Variants in NUFIP1 observed in about 807,000 individuals in gnomAD.
NUFIP1 encodes FMR1-interacting protein NUFIP1.
NUFIP1 carries 38 observed loss-of-function variants against 56.2 expected under a neutral mutation model. The ratio of observed to expected loss-of-function variants is 0.68; its 90% CI spans 0.52 to 0.89. NUFIP1 has a LOEUF of 0.89. Among genes scored for constraint, NUFIP1 ranks in the 40% least tolerant of loss-of-function variants. NUFIP1 has a pLI of 0.00. For missense variants in NUFIP1, 567 were observed against 605.8 expected (o/e 0.94, Z 0.67); for synonymous variants, 215 against 212.4 (o/e 1.01, Z -0.10).
chr13:44,942,659 A>T (rs1870781224), intron 9 of NUFIP1, among the ~76,000 whole-genome samples: 1 of 152,190 alleles, frequency 6.6e-6, no homozygotes, highest in African/African-American at 2.4e-5. Context: ...AAAATCTTTG[A>T]TTTTCAAACA....
chr13:44,989,308 C>G lies in NUFIP1; in HGVS notation c.129G>C (p.Leu43=). The part of the protein sequence containing the change: ...PRDSWMFWAM[L]PPPPPPLTSS... ...ACGTAAGTGGTGGTGGCGGTGGCGGCAGCATTGCCCAGAACATCCAGCTGT... is the reference window on the plus strand; with the variant it reads ...ACGTAAGTGGTGGTGGCGGTGGCGGGAGCATTGCCCAGAACATCCAGCTGT... The change falls in exon 1 of 10, where the codon CTG becomes CTC. Residue 43 remains leucine, a synonymous_variant. Coordinates refer to ENST00000379161, the MANE Select transcript of NUFIP1 (RefSeq NM_012345.3). 6.2e-7 allele frequency: 1 copy of G among 1,613,104 alleles called. No homozygotes were observed. The highest frequency in any genetic ancestry group is 1.7e-5 in the Admixed American group (1 of 59,916).
chr13:44,959,335 CATT>C (rs1333380133), intron 7 of NUFIP1, 43 bp downstream of exon 7: 1 of 1,527,926 alleles, frequency 6.5e-7, no homozygotes, highest in Non-Finnish European at 8.9e-7. Context: ...ACTTCAGCAT[CATT>C]GTCTATACAC....
At chr13:44,962,305 C>T (rs895568302) in intron 6 of NUFIP1, among the ~76,000 whole-genome samples, 7 of 152,144 alleles carry the variant, frequency 4.6e-5, no homozygotes, top group African/African-American at 1.2e-4. Context: ...GTTGAAAACA[C>T]GATCCTTTCT....
chr13:44,982,706 G>C (rs1458024190), intron 1 of NUFIP1, among the ~76,000 whole-genome samples: 1 of 151,970 alleles, frequency 6.6e-6, no homozygotes, highest in Admixed American at 6.6e-5. Flanking sequence ...TCACAACCTG[G>C]CTCAAAAATT....
At chr13:44,953,000 G>T (rs1348228862) in intron 7 of NUFIP1, among the ~76,000 whole-genome samples, 1 of 152,126 alleles carries the variant, frequency 6.6e-6, no homozygotes, top group Admixed American at 6.6e-5. Context: ...ATTTTGAGAA[G>T]GAATACCACA....
At chr13:44,985,224 C>G (rs554047353) in intron 1 of NUFIP1, among the ~76,000 whole-genome samples, 25 of 152,342 alleles carry the variant, frequency 1.6e-4, no homozygotes, top group African/African-American at 6.0e-4. Flanking sequence ...CTACCTGACA[C>G]AAATATATTC....
intron 5 of NUFIP1, among the ~76,000 whole-genome samples, chr13:44,970,947 A>C (rs547442423): frequency 6.6e-6 from 1 of 152,316 alleles, no homozygotes; most frequent in South Asian, 2.1e-4. Flanking sequence ...AAGGGCTGGG[A>C]TTACAGGTGT....
chr13:44,961,900 A>C (rs759174024), intron 6 of NUFIP1, among the ~76,000 whole-genome samples: 2 of 152,242 alleles, frequency 1.3e-5, no homozygotes, highest in Non-Finnish European at 2.9e-5. Flanking sequence ...GACATCTATA[A>C]GACTTAATTG....
At chr13:44,941,904 G>A (rs898560425) in intron 9 of NUFIP1, among the ~76,000 whole-genome samples, 5 of 150,980 alleles carry the variant, frequency 3.3e-5, no homozygotes, top group Non-Finnish European at 7.4e-5. Context: ...AGGTTTAAAC[G>A]TCTGCGATTC....
Position 44,943,674 on chromosome 13 carries a change from T to C in NUFIP1, c.1139A>G (p.Glu380Gly), listed in dbSNP as rs753375520. 1.2e-5 allele frequency: 19 copies of C among 1,597,526 alleles called. No individual in the cohort carries two copies. The highest frequency in any genetic ancestry group is 1.4e-5 in the Non-Finnish European group (16 of 1,173,764). ...SLSGSESEPEETPIKTEADVL... is the reference protein window; with the variant it reads ...SLSGSESEPEGTPIKTEADVL... ...GTCTGCTTCAGTCTTGATGGGAGTT[T>C]CTAAGTGTGATGAAAAACAAACACA... Residue 380 changes from glutamate (E) to glycine (G), a missense_variant and splice_region_variant, in exon 9 of 10, where the codon GAA becomes GGA. Coordinates refer to ENST00000379161, the MANE Select transcript of NUFIP1 (RefSeq NM_012345.3).
intron 8 of NUFIP1, among the ~76,000 whole-genome samples, chr13:44,949,126 C>T (rs1309445575): frequency 6.6e-6 from 1 of 151,522 alleles, no homozygotes; most frequent in African/African-American, 2.4e-5. Context: ...TTCTTTTTGC[C>T]ATTTCGTTTA....
Position 44,979,690 on chromosome 13 carries a change from T to C in NUFIP1, c.657+200A>G, listed in dbSNP as rs546698589. 1.6e-4 allele frequency among the ~76,000 whole-genome samples: 24 copies of C among 152,312 alleles called. No individual in the cohort carries two copies. The South Asian group carries it at 3.1e-3, about 20-fold the overall frequency. Reference sequence around the variant, plus strand: ...AATTCTCAGGCCTTGGGCAATTCATTTTTTAAAATATTTTAAATGGGGCCA... The same window carrying C: ...AATTCTCAGGCCTTGGGCAATTCATCTTTTAAAATATTTTAAATGGGGCCA... On this transcript the variant is annotated intron_variant, in intron 4 of 9. Transcript: ENST00000379161.
At position 44,967,560 on chromosome 13, in the gene NUFIP1, T is replaced by C. The variant is rs1375356189; in HGVS notation, c.735-1624A>G. The stretch of plus-strand genomic sequence containing the variant: ...TCTGGACAATGACAAGTAGTTAATA[T>C]GGTATGAAACACAGTTACAGGCAAT... On this transcript the variant is annotated intron_variant, in intron 5 of 9. Coordinates refer to ENST00000379161, the MANE Select transcript of NUFIP1 (RefSeq NM_012345.3). Among the ~76,000 whole-genome samples the C allele has an allele frequency of 2.0e-5, 3 of 152,122 alleles. No individual in the cohort carries two copies. In the East Asian group the frequency reaches 5.8e-4, roughly 29 times the overall value.
chr13:44,966,239 T>A (rs959100170), intron 5 of NUFIP1, among the ~76,000 whole-genome samples: 1 of 152,212 alleles, frequency 6.6e-6, no homozygotes, highest in African/African-American at 2.4e-5. Flanking sequence ...CTATATGGCA[T>A]GTACCCATAA....
rs1872091339 is a variant in NUFIP1, at chr13:44,979,138, T to G, written c.734+52A>C. 2.2e-6 allele frequency: 3 copies of G among 1,380,706 alleles called. No homozygotes were observed. In the Admixed American group the frequency reaches 5.7e-5, roughly 26 times the overall value. 85.5% of individuals were successfully genotyped at this position (1,380,706 alleles called of 1,614,324 possible). ...AATTCAATGAATTTAACTACATTAA[T>G]AAGCCTTGTCACAGTAAAACAGTTA... On this transcript the variant is annotated intron_variant, in intron 5 of 9. Transcript: ENST00000379161.
chr13:44,980,849 C>T (rs1049234840), intron 2 of NUFIP1, 29 bp from the exon 3 acceptor site: 2 of 1,432,876 alleles, frequency 1.4e-6, no homozygotes, highest in Middle Eastern at 1.8e-4. Flanking sequence ...AGGAATTAGG[C>T]TTTTGGTGAA....
At chr13:44,952,142 G>T (rs1237034841) in intron 7 of NUFIP1, among the ~76,000 whole-genome samples, 4 of 151,994 alleles carry the variant, frequency 2.6e-5, no homozygotes, top group African/African-American at 9.7e-5. Flanking sequence ...TGATAATTCT[G>T]TTTTTTTGTT....
At chr13:44,964,021 T>C (rs1871511294) in intron 6 of NUFIP1, among the ~76,000 whole-genome samples, 2 of 152,240 alleles carry the variant, frequency 1.3e-5, no homozygotes, top group South Asian at 4.1e-4. Context: ...TAACAATTAG[T>C]GCTGGATCAA....
At chr13:44,978,044 C>A (rs1872049774) in intron 5 of NUFIP1, among the ~76,000 whole-genome samples, 2 of 151,102 alleles carry the variant, frequency 1.3e-5, no homozygotes, top group South Asian at 4.2e-4. Flanking sequence ...GACTCTGACT[C>A]AAAAAAAAAT....
Sources: gnomAD v4.1 joint callset for allele counts (sites outside exome capture counted in the v4.1 genomes callset) on GRCh38, gnomAD v4.1.1 for gene constraint, MANE v1.5 for transcripts, NCBI Gene and HGNC (gene_info 2026-07-23, HGNC 2026-07-21) for gene names.